CALR3: variants seen among roughly 807,000 people sequenced by gnomAD.
CALR3 encodes calreticulin-3.
Under a neutral mutation model 48.7 loss-of-function variants are expected in CALR3, and 39 were observed. The observed-to-expected ratio is 0.80, with a 90% confidence interval of 0.62 to 1.05. The LOEUF (loss-of-function observed/expected upper bound fraction) is 1.05, where lower values mean the gene tolerates loss of function less well. CALR3 is among the 50% of genes least tolerant of loss of function. CALR3 has a pLI of 0.00. For synonymous variants in CALR3, 185 were observed against 172.7 expected (o/e 1.07, Z -0.56); for missense variants, 449 against 474.7 (o/e 0.95, Z 0.50).
intron 3 of CALR3, 101 bp downstream of exon 3, chr19:16,490,266 C>T: frequency 2.0e-6 from 2 of 1,009,752 alleles, no homozygotes; most frequent in Non-Finnish European, 3.1e-6. Flanking sequence ...CTCAATACTA[C>T]TACCTTCACT....
intron 7 of CALR3, among the ~76,000 whole-genome samples, chr19:16,482,013 TCTC>T (rs2093381624): frequency 6.7e-6 from 1 of 148,808 alleles, no homozygotes; most frequent in South Asian, 2.1e-4. Flanking sequence ...TTCACGCCAT[TCTC>T]CTGCCTCAGC....
At chr19:16,492,423 C>T (rs544280931) in intron 2 of CALR3, among the ~76,000 whole-genome samples, 1 of 151,038 alleles carries the variant, frequency 6.6e-6, no homozygotes, top group Non-Finnish European at 1.5e-5. Flanking sequence ...GGTGGCAGGG[C>T]GAAACTCCGT....
intron 5 of CALR3, 64 bp downstream of exon 5, chr19:16,483,866 A>G: frequency 6.5e-7 from 1 of 1,538,380 alleles, no homozygotes; most frequent in Non-Finnish European, 8.9e-7. Context: ...GCAATTGTCC[A>G]GTAACTGGGT....
chr19:16,493,730 A>G (rs1037174544), intron 2 of CALR3, among the ~76,000 whole-genome samples: 1 of 142,102 alleles, frequency 7.0e-6, no homozygotes, highest in East Asian at 2.1e-4. Flanking sequence ...TTGTATATAT[A>G]TATATTTTTT....
chr19:16,490,644 C>A, intron 2 of CALR3, 74 bp from the exon 3 acceptor site: 2 of 1,262,594 alleles, frequency 1.6e-6, no homozygotes, highest in Non-Finnish European at 2.3e-6. Context: ...AAATCGATGT[C>A]CTTCCCTTAC....
chr19:16,480,229 T>C (rs369041934), intron 8 of CALR3, among the ~76,000 whole-genome samples: 9 of 137,960 alleles, frequency 6.5e-5, no homozygotes, highest in Admixed American at 2.3e-4. Flanking sequence ...AAAAAATTCA[T>C]GTCCTAATCC....
At position 16,482,514 on chromosome 19, in the gene CALR3, T is replaced by C. The variant is rs1307826633; in HGVS notation, c.854A>G (p.Tyr285Cys). The change falls in exon 7 of 9, where the codon TAT becomes TGT. Residue 285 changes from tyrosine to cysteine, a missense_variant. By Grantham distance (194) the Tyr-to-Cys change is radical. Coordinates refer to ENST00000269881, the MANE Select transcript of CALR3 (RefSeq NM_145046.5). ...WLHRKMKNTD[Y>C]LTQYDLSEFE... Reference sequence around the variant, plus strand: ...TTCTGAGAGGTCATACTGCGTCAAATAGTCGGTATTCTTCATCTTACGGTG... The same window carrying C: ...TTCTGAGAGGTCATACTGCGTCAAACAGTCGGTATTCTTCATCTTACGGTG... 1.2e-6 allele frequency: 2 copies of C among 1,614,236 alleles called. No individual in the cohort carries two copies. Among genetic ancestry groups the C allele is most frequent in the Admixed American group, 1.7e-5 (1 of 60,020 alleles).
chr19:16,490,693 C>T, intron 2 of CALR3, 123 bp from the exon 3 acceptor site: 1 of 843,332 alleles, frequency 1.2e-6, no homozygotes, highest in Non-Finnish European at 2.0e-6. Context: ...CAGTGATCTA[C>T]AGTGCCAACA....
In CALR3 at chr19:16,479,172, C is replaced by G. The variant is rs140440387; in HGVS notation, c.1114G>C (p.Glu372Gln). ...CTGTGAAATTGATTGAAGTAATGTT[C>G]GTGCCTGTTAATTTTTCCCGACAGC... is the stretch of plus-strand genomic sequence containing the variant. ...ELLSGKINRH[E>Q]HYFNQFHRRN... Residue 372 changes from glutamate (E) to glutamine (Q), a missense_variant, in exon 9 of 9, where the codon GAA (glutamate) becomes CAA (glutamine). Coordinates refer to ENST00000269881, the MANE Select transcript of CALR3 (RefSeq NM_145046.5). 194 of 1,614,100 alleles carry G rather than the reference C, an allele frequency of 1.2e-4. No homozygotes were observed. The Middle Eastern group carries it at 1.3e-3, about 11-fold the overall frequency.
At position 16,493,702 on chromosome 19, in the gene CALR3, A is replaced by C. The variant is rs867322158; in HGVS notation, c.193+2049T>G. On this transcript the variant is annotated intron_variant, in intron 2 of 8. Coordinates refer to ENST00000269881, the MANE Select transcript of CALR3 (RefSeq NM_145046.5). ...GTAGCTGGGACTACAGGCCTATGCC[A>C]CCATGCTCGGCTAATATTTGTATAT... 7.3e-5 allele frequency among the ~76,000 whole-genome samples: 11 copies of C among 151,606 alleles called. No homozygotes were observed. In the South Asian group the frequency reaches 2.3e-3, roughly 32 times the overall value.
chr19:16,494,154 G>A (rs1408362257), intron 2 of CALR3, among the ~76,000 whole-genome samples: 1 of 152,232 alleles, frequency 6.6e-6, no homozygotes, highest in East Asian at 1.9e-4. Flanking sequence ...TCTGCCTCCT[G>A]GGTACAAACG....
rs2093376588 is a variant in CALR3, at chr19:16,479,284, G to C, written c.1012-10C>G. On this transcript the variant is annotated splice_polypyrimidine_tract_variant and intron_variant, in intron 8 of 8. Transcript: ENST00000269881. ...TCTCCCTTTCTGGACCCTGGAGAAA[G>C]AAAGAAAAAACATAAGCCCCACCGG... 6.2e-7 allele frequency: 1 copy of C among 1,613,774 alleles called. No individual in the cohort carries two copies. The highest frequency in any genetic ancestry group is 1.6e-4 in the Middle Eastern group (1 of 6,062).
chr19:16,485,081 G>T, intron 4 of CALR3, 82 bp downstream of exon 4: 1 of 965,236 alleles, frequency 1.0e-6, no homozygotes, highest in Non-Finnish European at 1.6e-6. Flanking sequence ...GCTCAGTTAA[G>T]TATTTTATTA....
chr19:16,484,468 C>T (rs138628911), intron 4 of CALR3, among the ~76,000 whole-genome samples: 346 of 152,100 alleles, frequency 2.3e-3, no homozygotes, highest in Middle Eastern at 0.017. Flanking sequence ...TGAGCCACCA[C>T]GCCCGGCCAA....
At chr19:16,495,247 A>T (rs2122152199) in intron 2 of CALR3, among the ~76,000 whole-genome samples, 1 of 83,808 alleles carries the variant, frequency 1.2e-5, no homozygotes, top group Non-Finnish European at 2.7e-5. Context: ...AAAAAAAAAA[A>T]AAAGGAATCT....
Position 16,484,051 on chromosome 19 carries a change from AT to A in CALR3, c.556del (p.Ile186LeufsTer11). On this transcript the variant is annotated frameshift_variant, in exon 5 of 9. Transcript: ENST00000269881. LOFTEE classifies it high-confidence loss of function. ...LRPDLSYDVKIDGQSIESGSI... is the reference protein window; with the variant it reads ...LRPDLSYDVKXDGQSIESGSI... ...GCCGGATTCAATTGACTGACCATCA[AT>A]TTTCACATCATAAGAAAGATCTGGT... The A allele has an allele frequency of 6.2e-7, 1 of 1,613,844 alleles. No individual in the cohort carries two copies. The highest frequency in any genetic ancestry group is 8.5e-7 in the Non-Finnish European group (1 of 1,180,012).
intron 2 of CALR3, among the ~76,000 whole-genome samples, chr19:16,491,126 A>C (rs1302090149): frequency 2.1e-5 from 3 of 145,444 alleles, no homozygotes; most frequent in Non-Finnish European, 4.5e-5. Context: ...TTAATTAGTT[A>C]ATTAATTATT....
At chr19:16,494,150 T>C (rs2093402141) in intron 2 of CALR3, among the ~76,000 whole-genome samples, 1 of 152,182 alleles carries the variant, frequency 6.6e-6, no homozygotes, top group Non-Finnish European at 1.5e-5. Flanking sequence ...AACCTCTGCC[T>C]CCTGGGTACA....
In CALR3 at chr19:16,482,847, CT is replaced by C. The variant is rs2093383303; in HGVS notation, c.679-63del. 4.7e-6 allele frequency: 7 copies of C among 1,484,562 alleles called. No individual in the cohort carries two copies. In the South Asian group the frequency reaches 8.3e-5, roughly 18 times the overall value. 92.0% of individuals were successfully genotyped at this position (1,484,562 alleles called of 1,614,324 possible). On this transcript the variant is annotated intron_variant, in intron 5 of 8. Transcript: ENST00000269881. ...GATGCTCATATATTTGTTGTTGTTG[CT>C]TCTGTTTTTGTTTCTTGAGACTAGG...
Sources: allele counts gnomAD v4.1 joint callset (sites outside exome capture counted in the v4.1 genomes callset), GRCh38; gene constraint gnomAD v4.1.1; transcripts MANE v1.5; gene names NCBI Gene and HGNC (gene_info 2026-07-23, HGNC 2026-07-21).